The following OTOG variants were observed in gnomAD, a reference collection of about 807,000 sequenced individuals.
OTOG encodes otogelin.
A neutral mutation model predicts 313.8 loss-of-function variants in OTOG; 296 were observed. The observed-to-expected ratio is 0.94, with a 90% CI of 0.86 to 1.04. The LOEUF is 1.04. Ranked by LOEUF, OTOG falls within the 50% of genes least tolerant of loss-of-function variation. The probability of loss-of-function intolerance (pLI) is 0.00; values close to 1 mark genes in which losing one functional copy is unlikely to be tolerated. For missense variants in OTOG, 3,948 were observed against 3,840.1 expected, an observed-to-expected ratio of 1.03 and a Z score of -0.74; for synonymous variants, 1,533 against 1,554.9, an observed-to-expected ratio of 0.99 and a Z score of 0.33.
In OTOG at chr11:17,641,885, C is replaced by G. The variant is rs1185333514; in HGVS notation, c.8229C>G (p.Cys2743Trp). ...AGCACCCGCGGGACCTCGCTGCCTG[C>G]TGCGGCTCCTGCAGGAACGTGTCCT... is the stretch of plus-strand genomic sequence containing the variant. ...EYEHPRDLAA[C>W]CGSCRNVSCL... Residue 2743 changes from cysteine to tryptophan, a missense_variant, in exon 52 of 56, where the codon TGC becomes TGG. Physicochemically the swap from Cys to Trp is radical, Grantham distance 215. Transcript: ENST00000399397. 3 of 1,550,336 alleles carry G rather than the reference C, an allele frequency of 1.9e-6. No homozygotes were observed. In the African/African-American group the frequency reaches 4.1e-5, roughly 21 times the overall value.
intron 25 of OTOG, 41 bp downstream of exon 25, chr11:17,591,629 A>G (rs1441951796): frequency 6.5e-7 from 1 of 1,547,812 alleles, no homozygotes; most frequent in African/African-American, 1.4e-5. Context: ...CTCCATGCAC[A>G]GCTGTCAGGG....
Position 17,634,221 on chromosome 11 carries a change from T to C in OTOG, c.7420T>C (p.Phe2474Leu), listed in dbSNP as rs1263627085. The C allele has an allele frequency of 9.0e-6, 14 of 1,550,478 alleles. No homozygotes were observed. The highest frequency in any genetic ancestry group is 1.2e-5 in the Non-Finnish European group (14 of 1,146,934). ...TCCCCGCCCTGAGAGCTGCCTGCGA[T>C]TCGGGGAGGTGGCCTTGCTCCTACC... ...PSPRPESCLR[F>L]GEVALLLPTK... Residue 2474 changes from phenylalanine to leucine, a missense_variant, in exon 44 of 56, where the codon TTC (phenylalanine) becomes CTC (leucine). Physicochemically the swap from Phe to Leu is conservative, Grantham distance 22. Coordinates refer to ENST00000399397, the MANE Select transcript of OTOG (RefSeq NM_001292063.2).
intron 21 of OTOG, 75 bp from the exon 22 acceptor site, chr11:17,576,793 G>C: frequency 6.6e-7 from 1 of 1,521,886 alleles, no homozygotes; most frequent in South Asian, 1.2e-5. Flanking sequence ...GCAGTGACCC[G>C]AGTGCAGCAA....
chr11:17,582,699 T>C (rs1366212299), intron 23 of OTOG, among the ~76,000 whole-genome samples: 1 of 152,254 alleles, frequency 6.6e-6, no homozygotes, highest in Non-Finnish European at 1.5e-5. Context: ...CTTTGATTTG[T>C]ATTTCCCTAA....
intron 33 of OTOG, 126 bp downstream of exon 33, chr11:17,606,261 G>C (rs1853387197): frequency 8.0e-6 from 10 of 1,242,560 alleles, no homozygotes; most frequent in Non-Finnish European, 1.1e-5. Flanking sequence ...CCTGGCACAG[G>C]GGCCACATGG....
chr11:17,623,450 A>C (rs1033021326), intron 39 of OTOG, among the ~76,000 whole-genome samples: 2 of 152,174 alleles, frequency 1.3e-5, no homozygotes, highest in Non-Finnish European at 2.9e-5. Context: ...CTCCATCTCC[A>C]TCCATGTTTC....
Position 17,593,217 on chromosome 11 carries a change from G to A in OTOG, c.3031G>A (p.Val1011Met), listed in dbSNP as rs1275027811. ...VKSTSDVSFSVIVENVNCYSS... is the reference protein window; with the variant it reads ...VKSTSDVSFSMIVENVNCYSS... ...GAGCACATCAGATGTCAGCTTCTCTGTGATTGTAGAGAATGTGAACTGCTA... is the reference window on the plus strand; with the variant it reads ...GAGCACATCAGATGTCAGCTTCTCTATGATTGTAGAGAATGTGAACTGCTA... The change falls in exon 26 of 56, where the codon GTG (valine) becomes ATG (methionine). Residue 1011 changes from valine to methionine, a missense_variant. Transcript: ENST00000399397. 1.3e-6 allele frequency: 2 copies of A among 1,549,974 alleles called. No individual in the cohort carries two copies. Among genetic ancestry groups the A allele is most frequent in the Non-Finnish European group, 8.7e-7 (1 of 1,146,516 alleles).
chr11:17,575,592 C>T (rs369722358), intron 20 of OTOG, among the ~76,000 whole-genome samples: 7 of 152,154 alleles, frequency 4.6e-5, no homozygotes, highest in Non-Finnish European at 8.8e-5. Context: ...GATCTTGGGG[C>T]GACTGGCAAG....
chr11:17,629,337 C>T lies in OTOG; in HGVS notation c.6712+21C>T, dbSNP rs541998681. ...GTGCGGTGAGGTGGAACCCAGCTTG[C>T]GGGGAGGGGATGCTTCCCAGGTCCA... On this transcript the variant is annotated intron_variant, in intron 40 of 55. Transcript: ENST00000399397. 254 of 1,536,114 alleles carry T rather than the reference C, an allele frequency of 1.7e-4. 1 individual carries two copies. In the South Asian group the frequency reaches 2.3e-3, roughly 14 times the overall value.
Position 17,587,247 on chromosome 11 carries a change from A to G in OTOG, c.2867+666A>G, listed in dbSNP as rs1345749786. Among the ~76,000 whole-genome samples, 3 of 152,096 alleles carry G rather than the reference A, an allele frequency of 2.0e-5. No homozygotes were observed. The East Asian group carries it at 5.8e-4, about 29-fold the overall frequency. Reference sequence around the variant, plus strand: ...CATATGTGGGAGTGTGTGCCCCTGGATTGGATTCTGTGGAAACAGACTCGG... The same window carrying G: ...CATATGTGGGAGTGTGTGCCCCTGGGTTGGATTCTGTGGAAACAGACTCGG... On this transcript the variant is annotated intron_variant, in intron 24 of 55. Coordinates refer to ENST00000399397, the MANE Select transcript of OTOG (RefSeq NM_001292063.2).
intron 23 of OTOG, among the ~76,000 whole-genome samples, chr11:17,580,990 GA>G (rs1852652619): frequency 6.6e-6 from 1 of 152,220 alleles, no homozygotes; most frequent in South Asian, 2.1e-4. Context: ...AAAGAGAGAA[GA>G]GTGGAAGATC....
At chr11:17,559,200 G>C (rs754844185) in intron 11 of OTOG, 39 bp downstream of exon 11, 34 of 1,414,134 alleles carry the variant, frequency 2.4e-5, no homozygotes, top group Admixed American at 4.1e-5. Flanking sequence ...AGGCCTTCAG[G>C]CTGTGGGTGG....
In OTOG at chr11:17,609,179, G is replaced by A. The variant is rs1180231585; in HGVS notation, c.4324G>A (p.Val1442Ile). ...VCPTPQVLDEVTQRCVYLEDC... is the reference protein window; with the variant it reads ...VCPTPQVLDEITQRCVYLEDC... ...CCCCACCCCCCAGGTCCTGGATGAA[G>A]TCACACAGAGATGTGTCTACTTGGA... is the stretch of plus-strand genomic sequence containing the variant. The change falls in exon 35 of 56, where the codon GTC becomes ATC. Residue 1442 changes from valine to isoleucine, a missense_variant. Physicochemically the swap from Val to Ile is conservative, Grantham distance 29. Coordinates refer to ENST00000399397, the MANE Select transcript of OTOG (RefSeq NM_001292063.2). 1.3e-6 allele frequency: 2 copies of A among 1,550,452 alleles called. No individual in the cohort carries two copies. Among genetic ancestry groups the A allele is most frequent in the Non-Finnish European group, 1.7e-6 (2 of 1,146,952 alleles).
chr11:17,636,133 A>T (rs1182041774), intron 47 of OTOG, among the ~76,000 whole-genome samples: 1 of 152,206 alleles, frequency 6.6e-6, no homozygotes, highest in Non-Finnish European at 1.5e-5. Flanking sequence ...AAAACCTCTG[A>T]AGCTCTTTTA....
At position 17,548,174 on chromosome 11, in the gene OTOG, C is replaced by T; in HGVS notation, c.178C>T (p.Leu60Phe). The T allele has an allele frequency of 1.3e-6, 2 of 1,547,808 alleles. No homozygotes were observed. The highest frequency in any genetic ancestry group is 1.7e-6 in the Non-Finnish European group (2 of 1,145,396). Residue 60 changes from leucine (L) to phenylalanine (F), a missense_variant, in exon 3 of 56, where the codon CTT (leucine) becomes TTT (phenylalanine). Leu to Phe is a conservative substitution (Grantham distance 22). Coordinates refer to ENST00000399397, the MANE Select transcript of OTOG (RefSeq NM_001292063.2). Reference protein sequence around the residue: ...QPSSSHQEATLAMGDKATVVG... With the variant: ...QPSSSHQEATFAMGDKATVVG... Reference sequence around the variant, plus strand: ...CAGCAGCAGCCACCAGGAGGCGACCCTTGCCATGGGGGACAAGGCTACAGT... The same window carrying T: ...CAGCAGCAGCCACCAGGAGGCGACCTTTGCCATGGGGGACAAGGCTACAGT...
At chr11:17,614,792 G>A (rs962372502) in intron 39 of OTOG, among the ~76,000 whole-genome samples, 6 of 152,276 alleles carry the variant, frequency 3.9e-5, no homozygotes, top group Admixed American at 3.9e-4. Context: ...CCATTAACCA[G>A]TTGAAAGATA....
intron 39 of OTOG, among the ~76,000 whole-genome samples, chr11:17,627,219 AT>A (rs1338486464): frequency 6.6e-6 from 1 of 152,022 alleles, no homozygotes; most frequent in Non-Finnish European, 1.5e-5. Context: ...AAGGCTTTTC[AT>A]TTTCCCCCAT....
chr11:17,608,484 T>A, intron 34 of OTOG, 71 bp downstream of exon 34: 7 of 1,032,622 alleles, frequency 6.8e-6, no homozygotes, highest in Non-Finnish European at 9.5e-6. Flanking sequence ...TCACATACAC[T>A]TGTGTATGAG....
chr11:17,596,735 A>T, intron 29 of OTOG, 116 bp from the exon 30 acceptor site: 1 of 885,878 alleles, frequency 1.1e-6, no homozygotes, highest in Non-Finnish European at 1.8e-6. Flanking sequence ...ATGAGACAGG[A>T]TAGCTCACCC....
Sources: gnomAD v4.1 joint callset for allele counts (sites outside exome capture counted in the v4.1 genomes callset) on GRCh38, gnomAD v4.1.1 for gene constraint, MANE v1.5 for transcripts, NCBI Gene and HGNC (gene_info 2026-07-23, HGNC 2026-07-21) for gene names.